ACOT7: variants seen among roughly 807,000 people sequenced by gnomAD.
ACOT7 encodes acyl-CoA thioesterase 7.
In ACOT7, 12 loss-of-function variants were observed where a neutral mutation model predicts 40.2. That is an observed-to-expected ratio of 0.30 (90% CI 0.19 to 0.48). The LOEUF (loss-of-function observed/expected upper bound fraction) is 0.48, where lower values mean the gene tolerates loss of function less well. Ranked by LOEUF, ACOT7 falls within the 20% of genes least tolerant of loss-of-function variation. The probability of loss-of-function intolerance (pLI) is 0.99; values close to 1 mark genes in which losing one functional copy is unlikely to be tolerated. For missense variants in ACOT7, 395 were observed against 530.8 expected (o/e 0.74, Z 2.51); for synonymous variants, 228 against 219.5 (o/e 1.04, Z -0.34).
rs193138412 is a variant in ACOT7 at position 6,355,328 on chromosome 1, C to T, written c.144-5462G>A. Among the ~76,000 whole-genome samples the T allele has an allele frequency of 7.2e-4, 110 of 152,330 alleles. 1 individual carries two copies. Among genetic ancestry groups the T allele is most frequent in the Middle Eastern group, 3.4e-3 (1 of 294 alleles). On this transcript the variant is annotated intron_variant, in intron 1 of 8. Transcript: ENST00000361521. The surrounding 1 kb of genome is among the most constrained non-coding windows in gnomAD (Gnocchi z 5.0). ...ACAGCTGTTTCCACACACGGTTAAA[C>T]GAAGCACTGCAAGGGTACTCACTGC... is the stretch of plus-strand genomic sequence containing the variant.
chr1:6,293,914 C>T (rs767957761), intron 7 of ACOT7, among the ~76,000 whole-genome samples: 4 of 152,146 alleles, frequency 2.6e-5, no homozygotes, highest in African/African-American at 4.8e-5. Context: ...TAGCAGCTGC[C>T]GGAGACAGCA....
chr1:6,292,686 GTT>G (rs58177155), intron 7 of ACOT7, among the ~76,000 whole-genome samples: 1,403 of 137,064 alleles, frequency 0.01, 18 homozygotes, highest in African/African-American at 0.036. Context: ...GTTTTTTTGT[GTT>G]TTTTTTTTTT....
rs1312659182 is a variant in ACOT7 at position 6,275,180 on chromosome 1, C to T, written c.1014+5922G>A. 6.6e-6 allele frequency among the ~76,000 whole-genome samples: 1 copy of T among 152,208 alleles called. No homozygotes were observed. The highest frequency in any genetic ancestry group is 1.5e-5 in the Non-Finnish European group (1 of 68,032). ...ACCCAAGAGGAAGCCTCCCCTGCCC[C>T]TCCAGTCCCTTGCCCACCCAGGAGA... On this transcript the variant is annotated intron_variant, in intron 8 of 8. Coordinates refer to ENST00000361521, the MANE Select transcript of ACOT7 (RefSeq NM_007274.4). This position sits in a 1 kb window ranked among gnomAD's most constrained non-coding sequence, Gnocchi z 5.6.
chr1:6,307,038 C>A (rs570411571), intron 6 of ACOT7, among the ~76,000 whole-genome samples: 1 of 152,290 alleles, frequency 6.6e-6, no homozygotes, highest in Admixed American at 6.5e-5. Context: ...GCTGTGCTGT[C>A]CCCTGGCCTC....
rs753364120 is a variant in ACOT7 at position 6,281,221 on chromosome 1, A to C, written c.895T>G (p.Leu299Val). ...TSNKSMEIEV[L>V]VDADPVVDSS... The stretch of plus-strand genomic sequence containing the variant: ...TCCACAACAGGGTCGGCGTCCACCA[A>C]CACCTCGATCTCCATGGACTTATTG... The change falls in exon 8 of 9, where the codon TTG becomes GTG. Residue 299 changes from leucine to valine, a missense_variant. Physicochemically the swap from Leu to Val is conservative, Grantham distance 32 (BLOSUM62 1). Around this residue, in one of 2 missense-constraint regions of ACOT7, gnomAD observed 309 missense variants for 470.3 expected, o/e 0.66. Coordinates refer to ENST00000361521, the MANE Select transcript of ACOT7 (RefSeq NM_007274.4). 1 of 1,613,806 alleles carries C rather than the reference A, an allele frequency of 6.2e-7. No homozygotes were observed. The highest frequency in any genetic ancestry group is 2.2e-5 in the East Asian group (1 of 44,862).
chr1:6,379,305 G>A (rs1642291960), intron 1 of ACOT7, among the ~76,000 whole-genome samples: 1 of 151,836 alleles, frequency 6.6e-6, no homozygotes, highest in Non-Finnish European at 1.5e-5. Flanking sequence ...TGCCAGCTGT[G>A]ACGGCAAGCA....
At position 6,358,418 on chromosome 1, in the gene ACOT7, C is replaced by T. The variant is rs533272248; in HGVS notation, c.144-8552G>A. The stretch of plus-strand genomic sequence containing the variant: ...GAGGCTCCTTGTGCAGCCCACAGAC[C>T]CCCCCTCCACCGCAGGTAGGAAGCT... On this transcript the variant is annotated intron_variant, in intron 1 of 8. Transcript: ENST00000361521. This position sits in a 1 kb window ranked among gnomAD's most constrained non-coding sequence, Gnocchi z 4.1. Among the ~76,000 whole-genome samples, 49 of 152,308 alleles carry T rather than the reference C, an allele frequency of 3.2e-4. No individual in the cohort carries two copies. In the South Asian group the frequency reaches 9.9e-3, roughly 31 times the overall value.
chr1:6,351,412 T>C (rs1360181139), intron 1 of ACOT7, among the ~76,000 whole-genome samples: 2 of 152,280 alleles, frequency 1.3e-5, no homozygotes, highest in African/African-American at 2.4e-5. Context: ...TTTTAAAAAT[T>C]GAACTTACTC....
At chr1:6,323,337 CT>C (rs1479264456) in intron 5 of ACOT7, among the ~76,000 whole-genome samples, 1 of 152,126 alleles carries the variant, frequency 6.6e-6, no homozygotes, top group Non-Finnish European at 1.5e-5. Flanking sequence ...TGTTCAACAG[CT>C]TGGGGCTTGT....
At chr1:6,270,940 G>A (rs1470022748) in intron 8 of ACOT7, among the ~76,000 whole-genome samples, 4 of 152,192 alleles carry the variant, frequency 2.6e-5, no homozygotes, top group African/African-American at 4.8e-5. Flanking sequence ...ACGCAGGGGT[G>A]GGGAGGGTCC....
At chr1:6,286,279 A>C (rs1215130449) in intron 7 of ACOT7, among the ~76,000 whole-genome samples, 1 of 152,198 alleles carries the variant, frequency 6.6e-6, no homozygotes, top group African/African-American at 2.4e-5. Flanking sequence ...CGGGCGGATC[A>C]GTGCCCACCT....
At chr1:6,268,772 C>T (rs1638929935) in intron 8 of ACOT7, among the ~76,000 whole-genome samples, 3 of 152,254 alleles carry the variant, frequency 2.0e-5, no homozygotes, top group African/African-American at 7.2e-5. Context: ...CCACACGCAG[C>T]AGTGGAGCGG....
chr1:6,320,449 C>A (rs1003739063), intron 5 of ACOT7, among the ~76,000 whole-genome samples: 2 of 152,188 alleles, frequency 1.3e-5, no homozygotes, highest in Non-Finnish European at 1.5e-5. Flanking sequence ...CCAAATCAGG[C>A]TTTCCTAGTG....
chr1:6,381,976 T>C (rs1027717803), intron 1 of ACOT7, among the ~76,000 whole-genome samples: 4 of 148,706 alleles, frequency 2.7e-5, no homozygotes, highest in African/African-American at 7.5e-5. Flanking sequence ...CTACTAAAAA[T>C]ACAAAAAAAA....
intron 8 of ACOT7, among the ~76,000 whole-genome samples, chr1:6,279,353 T>TG (rs1213367232): frequency 8.8e-5 from 11 of 125,606 alleles, no homozygotes; most frequent in Admixed American, 1.7e-4. Context: ...TGGGGAGGGG[T>TG]GGGGGCAGAT....
At chr1:6,321,320 T>C (rs1470155376) in intron 5 of ACOT7, among the ~76,000 whole-genome samples, 1 of 152,182 alleles carries the variant, frequency 6.6e-6, no homozygotes, top group African/African-American at 2.4e-5. Flanking sequence ...GTAAACTTAG[T>C]AGGCATCTGA....
At chr1:6,360,750 G>T in intron 1 of ACOT7, 1 of 1,582,232 alleles carries the variant, frequency 6.3e-7, no homozygotes, top group South Asian at 1.1e-5. Flanking sequence ...TTTGGACTTG[G>T]CCTCATCCCT....
rs1312569196 is a variant in ACOT7, at chr1:6,286,353, C to T, written c.830-5067G>A. Reference sequence around the variant, plus strand: ...GGCCAGAAGGGGAGCGCCTGGTCCTCTCTGAGCCTCTGTAGCAGGTACAGC... The same window carrying T: ...GGCCAGAAGGGGAGCGCCTGGTCCTTTCTGAGCCTCTGTAGCAGGTACAGC... On this transcript the variant is annotated intron_variant, in intron 7 of 8. Coordinates refer to ENST00000361521, the MANE Select transcript of ACOT7 (RefSeq NM_007274.4). Among the ~76,000 whole-genome samples the T allele has an allele frequency of 2.6e-5, 4 of 152,212 alleles. No individual in the cohort carries two copies. In the South Asian group the frequency reaches 8.3e-4, roughly 32 times the overall value.
intron 1 of ACOT7, chr1:6,385,705 TATG>T: frequency 6.3e-7 from 1 of 1,594,110 alleles, no homozygotes; most frequent in East Asian, 2.3e-5. Context: ...CAGTGACAAG[TATG>T]ATGCCCAGCA....
Sources: allele counts gnomAD v4.1 joint callset (sites outside exome capture counted in the v4.1 genomes callset), GRCh38; gene constraint gnomAD v4.1.1; regional missense constraint gnomAD v4.1.1; non-coding constraint Gnocchi (gnomAD v3.1); transcripts MANE v1.5; gene names NCBI Gene and HGNC (gene_info 2026-07-23, HGNC 2026-07-21).